Variants in FRMD4B observed in about 807,000 individuals in gnomAD.
FRMD4B encodes the protein FERM domain-containing protein 4B.
In FRMD4B, 74 loss-of-function variants were observed where a neutral mutation model predicts 141.5. The ratio of observed to expected loss-of-function variants is 0.52; its 90% confidence interval spans 0.43 to 0.63. The LOEUF (loss-of-function observed/expected upper bound fraction) is 0.63, where lower values mean the gene tolerates loss of function less well. Ranked by LOEUF, FRMD4B falls within the 30% of genes least tolerant of loss-of-function variation. The pLI is 0.00. For missense variants in FRMD4B, 1,366 were observed against 1,253.4 expected (o/e 1.09, Z -1.36); for synonymous variants, 506 against 467.9 (o/e 1.08, Z -1.05).
chr3:69,213,120 G>A (rs753036234), intron 11 of FRMD4B, among the ~76,000 whole-genome samples: 51 of 151,954 alleles, frequency 3.4e-4, no homozygotes, highest in Non-Finnish European at 1.2e-4. Flanking sequence ...AAAAGAAATC[G>A]GTTTATAAGT....
chr3:69,406,976 G>C (rs1483875828), intron 2 of FRMD4B, among the ~76,000 whole-genome samples: 1 of 142,240 alleles, frequency 7.0e-6, no homozygotes, highest in African/African-American at 2.6e-5. Context: ...TCAAACTCCT[G>C]ACTTCAAGGG....
chr3:69,353,663 G>A (rs1703229631), intron 1 of FRMD4B: 10 of 984,496 alleles, frequency 1.0e-5, no homozygotes, highest in Non-Finnish European at 1.2e-5. Context: ...GTGTGTGCGC[G>A]CATGTGCTTG....
intron 5 of FRMD4B, chr3:69,250,332 C>G (rs1000953941): frequency 2.3e-6 from 1 of 432,370 alleles, no homozygotes; most frequent in Non-Finnish European, 4.2e-6. Context: ...TTTTAAATAG[C>G]TGTGGTGACG....
chr3:69,487,850 C>G (rs1325692585), intron 1 of FRMD4B, among the ~76,000 whole-genome samples: 1 of 152,152 alleles, frequency 6.6e-6, no homozygotes, highest in African/African-American at 2.4e-5. Context: ...ATCTATGTTT[C>G]TTACAGCTTA....
At position 69,170,581 on chromosome 3, in the gene FRMD4B, G is replaced by C. The variant is rs1476560893; in HGVS notation, c.*1280C>G. On this transcript the variant is annotated 3_prime_UTR_variant, in exon 23 of 23. Coordinates refer to ENST00000398540, the MANE Select transcript of FRMD4B (RefSeq NM_015123.3). ...ACTTTTCTATTCACAATATGAACAA[G>C]AAACTTGTATAAAAGAAGGGGGAAA... The C allele has an allele frequency of 6.6e-6, 1 of 151,976 alleles. No homozygotes were observed. Among genetic ancestry groups the C allele is most frequent in the Non-Finnish European group, 1.5e-5 (1 of 67,980 alleles). 9.4% of individuals were successfully genotyped at this position (151,976 alleles called of 1,614,324 possible).
intron 1 of FRMD4B, among the ~76,000 whole-genome samples, chr3:69,466,959 A>C (rs9874622): frequency 0.35 from 52,555 of 152,004 alleles, 10,275 homozygotes; most frequent in African/African-American, 0.53. Flanking sequence ...ACCTTCTCTT[A>C]CCAAAGTGCT....
chr3:69,342,341 T>C (rs1490922721), intron 1 of FRMD4B, among the ~76,000 whole-genome samples: 1 of 152,188 alleles, frequency 6.6e-6, no homozygotes, highest in African/African-American at 2.4e-5. Flanking sequence ...ATCTCATGTG[T>C]CCAAATGACA....
intron 2 of FRMD4B, among the ~76,000 whole-genome samples, chr3:69,407,390 C>CA (rs1704668365): frequency 2.0e-5 from 3 of 152,150 alleles, no homozygotes; most frequent in African/African-American, 7.2e-5. Flanking sequence ...CTCACGGTGT[C>CA]AGCATTGCAC....
intron 5 of FRMD4B, among the ~76,000 whole-genome samples, chr3:69,287,398 G>A (rs1700722378): frequency 1.3e-5 from 2 of 152,198 alleles, no homozygotes; most frequent in Admixed American, 1.3e-4. Flanking sequence ...TACTGTAAGT[G>A]TAGGGCATAC....
intron 1 of FRMD4B, among the ~76,000 whole-genome samples, chr3:69,467,958 A>C (rs1442253849): frequency 6.6e-6 from 1 of 152,236 alleles, no homozygotes; most frequent in African/African-American, 2.4e-5. Flanking sequence ...CCTGGGCCTG[A>C]AGCTACCCTG....
At chr3:69,311,175 A>T in intron 3 of FRMD4B, 88 bp downstream of exon 3, 1 of 616,740 alleles carries the variant, frequency 1.6e-6, no homozygotes, top group Non-Finnish European at 2.9e-6. Context: ...ATGCTGGAGG[A>T]CTTATTTCCT....
intron 16 of FRMD4B, among the ~76,000 whole-genome samples, chr3:69,194,740 A>C (rs985763518): frequency 6.6e-6 from 1 of 152,236 alleles, no homozygotes; most frequent in East Asian, 1.9e-4. Context: ...TAAGTAAACA[A>C]ACCTAATGCT....
intron 5 of FRMD4B, among the ~76,000 whole-genome samples, chr3:69,279,591 C>G (rs1333699034): frequency 6.6e-6 from 1 of 152,138 alleles, no homozygotes; most frequent in East Asian, 1.9e-4. Flanking sequence ...TCCTGAGTAG[C>G]TAGAACCACA....
At chr3:69,426,275 A>T (rs1382319641) in intron 2 of FRMD4B, among the ~76,000 whole-genome samples, 1 of 152,154 alleles carries the variant, frequency 6.6e-6, no homozygotes, top group Non-Finnish European at 1.5e-5. Context: ...TGGGGCTGTA[A>T]TGAATAGGTT....
At position 69,461,667 on chromosome 3, in the gene FRMD4B, T is replaced by C. The variant is rs141232501; in HGVS notation, c.-128-28906A>G. ...AAAAAAAGAAACAGATCATGGACTCTTAAAACAAAAAGTGAAATTATGAAA... is the reference window on the plus strand; with the variant it reads ...AAAAAAAGAAACAGATCATGGACTCCTAAAACAAAAAGTGAAATTATGAAA... On this transcript the variant is annotated intron_variant, in intron 1 of 5. Coordinates refer to the FRMD4B transcript ENST00000459638. Among the ~76,000 whole-genome samples, 562 of 146,006 alleles carry C rather than the reference T, an allele frequency of 3.8e-3. 3 individuals are homozygous for C. The highest frequency in any genetic ancestry group is 0.012 in the African/African-American group (485 of 39,748).
At chr3:69,452,194 G>A (rs919045653) in intron 1 of FRMD4B, among the ~76,000 whole-genome samples, 1 of 152,234 alleles carries the variant, frequency 6.6e-6, no homozygotes, top group Non-Finnish European at 1.5e-5. Flanking sequence ...ACAGTGATCG[G>A]AAGAGAAATA....
intron 21 of FRMD4B, among the ~76,000 whole-genome samples, chr3:69,180,206 G>A (rs558790443): frequency 1.9e-4 from 28 of 146,408 alleles, no homozygotes; most frequent in African/African-American, 6.7e-4. Flanking sequence ...GACCAGCCTG[G>A]GCAACATAGC....
chr3:69,241,431 A>G (rs922361439), intron 7 of FRMD4B, among the ~76,000 whole-genome samples: 5 of 152,218 alleles, frequency 3.3e-5, no homozygotes, highest in Non-Finnish European at 1.5e-5. Flanking sequence ...CTTTTAACCA[A>G]GTATTGTAGA....
chr3:69,325,692 T>G (rs1269359802), intron 1 of FRMD4B, among the ~76,000 whole-genome samples: 1 of 152,166 alleles, frequency 6.6e-6, no homozygotes, highest in East Asian at 1.9e-4. Flanking sequence ...CCTCTTGTAT[T>G]AAGGCAGGTT....
Sources: gnomAD v4.1 joint callset for allele counts (sites outside exome capture counted in the v4.1 genomes callset) on GRCh38, gnomAD v4.1.1 for gene constraint, MANE v1.5 for transcripts, NCBI Gene and HGNC (gene_info 2026-07-23, HGNC 2026-07-21) for gene names.